The following ADGRG3 variants were observed in gnomAD, a reference collection of about 807,000 sequenced individuals.
The protein encoded by ADGRG3 is G protein-coupled receptor 97.
ADGRG3 carries 39 observed loss-of-function variants against 54.3 expected under a neutral mutation model. The observed-to-expected ratio is 0.72, with a 90% CI of 0.56 to 0.94. ADGRG3 has a LOEUF of 0.94. Ranked by LOEUF, ADGRG3 falls within the 40% of genes least tolerant of loss-of-function variation. The probability of loss-of-function intolerance (pLI) is 0.00; values close to 1 mark genes in which losing one functional copy is unlikely to be tolerated. For synonymous variants in ADGRG3, 312 were observed against 290.0 expected (o/e 1.08, Z -0.77); for missense variants, 654 against 694.6 (o/e 0.94, Z 0.66).
chr16:57,673,167 C>T (rs1004550493), intron 1 of ADGRG3, among the ~76,000 whole-genome samples, 154 bp from the exon 2 acceptor site: 8 of 152,202 alleles, frequency 5.3e-5, no homozygotes, highest in African/African-American at 1.9e-4. Flanking sequence ...CAGAGAGGGT[C>T]TGCATCCTGC....
chr16:57,667,475 T>C (rs1017199058), upstream of ADGRG3, among the ~76,000 whole-genome samples: 19 of 152,302 alleles, frequency 1.2e-4, no homozygotes, highest in African/African-American at 4.6e-4. Context: ...CAGTGACCAT[T>C]TGGGGTGTAA....
rs755657568 is a variant in ADGRG3, at chr16:57,680,362, C to G, written c.765C>G (p.Leu255=). ...ACCACCTGACCTTTTTCGCCCTGCT[C>G]CTGGTAACAGCCCCCTCCACTCTGA... ...CCDHLTFFAL[L]LRPTLDQSTV... The change falls in exon 7 of 12, where the codon CTC becomes CTG. Residue 255 remains leucine, a synonymous_variant. Coordinates refer to ENST00000333493, the MANE Select transcript of ADGRG3 (RefSeq NM_170776.5). The G allele has an allele frequency of 1.2e-6, 2 of 1,612,008 alleles. No homozygotes were observed. Among genetic ancestry groups the G allele is most frequent in the Non-Finnish European group, 1.7e-6 (2 of 1,178,734 alleles).
intron 6 of ADGRG3, among the ~76,000 whole-genome samples, 167 bp downstream of exon 6, chr16:57,680,022 CCT>C (rs1185298224): frequency 2.3e-5 from 2 of 88,688 alleles, no homozygotes; most frequent in Non-Finnish European, 2.2e-5. Flanking sequence ...CCCTCCCCCC[CCT>C]CCTCACCTCC....
Position 57,679,803 on chromosome 16 carries a change from T to C in ADGRG3, c.628-13T>C, listed in dbSNP as rs1195373403. On this transcript the variant is annotated splice_polypyrimidine_tract_variant and intron_variant, in intron 5 of 11. Coordinates refer to ENST00000333493, the MANE Select transcript of ADGRG3 (RefSeq NM_170776.5). ...CCTTTTCCTCTCTCCTGACTTCCAC[T>C]CTTCGGTTTCAGAACATGACCCTCA... is the stretch of plus-strand genomic sequence containing the variant. The C allele has an allele frequency of 6.2e-7, 1 of 1,610,328 alleles. No individual in the cohort carries two copies. Among genetic ancestry groups the C allele is most frequent in the Non-Finnish European group, 8.5e-7 (1 of 1,177,246 alleles).
chr16:57,673,984 T>C (rs2048212321), intron 2 of ADGRG3, among the ~76,000 whole-genome samples: 1 of 152,106 alleles, frequency 6.6e-6, no homozygotes, highest in Admixed American at 6.5e-5. Context: ...GCAGATGCGA[T>C]GGGTGGGAGA....
In ADGRG3 at chr16:57,688,509, C is replaced by A. The variant is rs2048518050; in HGVS notation, c.*48C>A. ...GACTCAGCTCTGGCTCTCTGTGTGA[C>A]CTTGGGCAGCTCCGTGCCTCTCTCT... On this transcript the variant is annotated 3_prime_UTR_variant, in exon 12 of 12. Transcript: ENST00000333493. 4 of 1,064,916 alleles carry A rather than the reference C, an allele frequency of 3.8e-6. No homozygotes were observed. In the East Asian group the frequency reaches 9.4e-5, roughly 25 times the overall value. The allele number at this position is 1,064,916 out of a possible 1,614,324, so 66.0% of individuals were successfully genotyped here. A position where few individuals can be genotyped will look rare whatever the true frequency, so the allele number is the denominator to read the frequency against.
intron 8 of ADGRG3, among the ~76,000 whole-genome samples, chr16:57,683,628 T>C (rs1165338609): frequency 6.6e-6 from 1 of 152,226 alleles, no homozygotes; most frequent in Non-Finnish European, 1.5e-5. Context: ...TTTAATTCCC[T>C]TTGCTATTCT....
intron 8 of ADGRG3, among the ~76,000 whole-genome samples, chr16:57,682,806 C>T (rs1217123746): frequency 6.6e-6 from 1 of 151,424 alleles, no homozygotes; most frequent in Non-Finnish European, 1.5e-5. Flanking sequence ...CCCTGCCCTG[C>T]TCTGTGACCC....
At chr16:57,680,940 A>G (rs2148708532) in intron 8 of ADGRG3, among the ~76,000 whole-genome samples, 1 of 152,324 alleles carries the variant, frequency 6.6e-6, no homozygotes, top group East Asian at 1.9e-4. Context: ...CAGGGGGTCA[A>G]AAGAGGTCCC....
At chr16:57,675,012 A>AAAAAAACAGCAGC (rs35561154) in intron 2 of ADGRG3, among the ~76,000 whole-genome samples, 1 of 115,342 alleles carries the variant, frequency 8.7e-6, no homozygotes, top group African/African-American at 3.0e-5. Flanking sequence ...AAAAAAAAAA[A>AAAAAAACAGCAGC]AGCAGCAGCA....
At chr16:57,678,020 C>T (rs2048293884) in intron 3 of ADGRG3, 150 bp from the exon 4 acceptor site, 2 of 876,770 alleles carry the variant, frequency 2.3e-6, no homozygotes, top group South Asian at 1.6e-5. Context: ...AGAGCTTGCA[C>T]TGTGCCCCAG....
intron 1 of ADGRG3, among the ~76,000 whole-genome samples, chr16:57,670,201 G>A (rs2048128809): frequency 6.6e-6 from 1 of 152,230 alleles, no homozygotes; most frequent in Non-Finnish European, 1.5e-5. Flanking sequence ...AGGCTCTGGA[G>A]CATAGAGGGT....
At chr16:57,687,201 C>T (rs749912116) in intron 11 of ADGRG3, among the ~76,000 whole-genome samples, 42 of 152,260 alleles carry the variant, frequency 2.8e-4, no homozygotes, top group Non-Finnish European at 5.4e-4. Context: ...CAGCTCCTTC[C>T]GTCCTCATTC....
At position 57,673,460 on chromosome 16, in the gene ADGRG3, C is replaced by G. The variant is rs2048199144; in HGVS notation, c.198C>G (p.Asn66Lys). ...QSGSDSCNVENLQRYWLNYEA... is the reference protein window; with the variant it reads ...QSGSDSCNVEKLQRYWLNYEA... ...GCAGCGACTCCTGCAATGTGGAAAA[C>G]TTGCAGAGGTGAGGGGGCCCCCTGA... is the stretch of plus-strand genomic sequence containing the variant. The change falls in exon 2 of 12, where the codon AAC becomes AAG. Residue 66 changes from asparagine to lysine, a missense_variant. Asn to Lys is a moderately conservative substitution (Grantham distance 94, BLOSUM62 0). Transcript: ENST00000333493. The G allele has an allele frequency of 1.9e-6, 3 of 1,602,862 alleles. No homozygotes were observed. The South Asian group carries it at 3.3e-5, about 18-fold the overall frequency.
rs143521210 is a variant in ADGRG3, at chr16:57,688,440, C to A, written c.1629C>A (p.Ala543=). The A allele has an allele frequency of 1.3e-4, 206 of 1,607,310 alleles. No homozygotes were observed. In the African/African-American group the frequency reaches 2.4e-3, roughly 18 times the overall value. ...CCTCTACTGCAAGATTGGACCAGGC[C>A]CACTCCGCATCTCAAGAATAGGAAG... ...VSSSTARLDQ[A]HSASQE is the part of the protein sequence containing the mutation. The change falls in exon 12 of 12, where the codon GCC becomes GCA. Residue 543 remains alanine, a synonymous_variant. Transcript: ENST00000333493.
chr16:57,679,899 G>A, intron 6 of ADGRG3, 44 bp downstream of exon 6: 1 of 1,496,882 alleles, frequency 6.7e-7, no homozygotes, highest in South Asian at 1.1e-5. Context: ...AGGAAGGGAG[G>A]GTATGGGCTG....
intron 1 of ADGRG3, 105 bp downstream of exon 1, chr16:57,668,510 G>C: frequency 9.2e-7 from 1 of 1,087,904 alleles, no homozygotes; most frequent in Non-Finnish European, 1.3e-6. Flanking sequence ...GTGAGGAGTT[G>C]GGGTGTCTGG....
At position 57,668,383 on chromosome 16, in the gene ADGRG3, G is replaced by T; in HGVS notation, c.36G>T (p.Leu12=). The T allele has an allele frequency of 6.4e-7, 1 of 1,574,628 alleles. No homozygotes were observed. The highest frequency in any genetic ancestry group is 2.3e-5 in the East Asian group (1 of 43,912). ...CCAGGGGCCTGGGGGCCCTGCTCCT[G>T]CTCCTCCTGCTCCCGACCTCAGGTG... ...ATPRGLGALL[L]LLLLPTSGQE... Residue 12 remains leucine (L), a synonymous_variant, in exon 1 of 12, where the codon CTG becomes CTT. Transcript: ENST00000333493.
intron 8 of ADGRG3, chr16:57,682,354 C>T (rs1450497516): frequency 8.3e-6 from 3 of 361,020 alleles, no homozygotes; most frequent in African/African-American, 2.2e-5. Context: ...CATCCAGGGC[C>T]GTCCCTCCGC....
Sources: gnomAD v4.1 joint callset for allele counts (sites outside exome capture counted in the v4.1 genomes callset) on GRCh38, gnomAD v4.1.1 for gene constraint, MANE v1.5 for transcripts, NCBI Gene and HGNC (gene_info 2026-07-23, HGNC 2026-07-21) for gene names.